Variants in BCAP31 observed in about 807,000 individuals in gnomAD.
BCAP31 encodes B-cell receptor-associated protein 31.
For synonymous variants in BCAP31, 75 were observed against 80.9 expected (o/e 0.93, Z 0.39); for missense variants, 124 against 193.0 (o/e 0.64, Z 2.12).
chrX:153,701,081 TAAC>T lies in BCAP31; in HGVS notation c.703-109_703-107del, dbSNP rs1414122004. The T allele has an allele frequency of 1.1e-4, 78 of 695,228 alleles. 1 individual carries two copies. Among genetic ancestry groups the T allele is most frequent in the Admixed American group, 1.3e-4 (4 of 29,894 alleles). The allele number at this position is 695,228 out of a possible 1,213,427, so 57.3% of individuals were successfully genotyped here. On this transcript the variant is annotated intron_variant, in intron 7 of 7. Coordinates refer to ENST00000345046, the MANE Select transcript of BCAP31 (RefSeq NM_001256447.2). ...GGTCCACCTCGGTTCCCCTCTCTCC[TAAC>T]AACAGCTATTCAAGTGAACAAGGGG...
Position 153,701,367 on chromosome X carries a change from GC to G in BCAP31, c.703-393del, listed in dbSNP as rs1280288414. 2.7e-5 allele frequency among the ~76,000 whole-genome samples: 3 copies of G among 112,929 alleles called. No homozygotes were observed. The Admixed American group carries it at 2.8e-4, about 10-fold the overall frequency. ...CCTGCCCCATACAGAGGGCATGGGT[GC>G]CCCCTTTGAGGCTGGACCCTTCCTC... On this transcript the variant is annotated intron_variant, in intron 7 of 7. Transcript: ENST00000345046.
chrX:153,706,158 C>G (rs1557048283), intron 4 of BCAP31, among the ~76,000 whole-genome samples: 2 of 111,322 alleles, frequency 1.8e-5, no homozygotes. Flanking sequence ...CCCCGGTTCC[C>G]CTTCCTCTTG....
intron 4 of BCAP31, among the ~76,000 whole-genome samples, chrX:153,711,904 C>CAAAAAAAAA (rs34508364): frequency 1.5e-5 from 1 of 67,918 alleles, no homozygotes; most frequent in African/African-American, 5.8e-5. Flanking sequence ...GACTCTGTCT[C>CAAAAAAAAA]AAAAAAAAAA....
At chrX:153,711,455 T>C (rs2091590618) in intron 4 of BCAP31, among the ~76,000 whole-genome samples, 1 of 112,355 alleles carries the variant, frequency 8.9e-6, no homozygotes, top group South Asian at 3.6e-4. Context: ...GAATACCCAC[T>C]AGGCAGGCTC....
intron 4 of BCAP31, among the ~76,000 whole-genome samples, chrX:153,706,573 C>T (rs2091556194): frequency 1.8e-5 from 2 of 112,751 alleles, no homozygotes; most frequent in South Asian, 7.3e-4. Context: ...CTTCAGCTGA[C>T]ACCCTATACC....
intron 3 of BCAP31, among the ~76,000 whole-genome samples, chrX:153,717,874 C>A (rs1338235295): frequency 1.8e-5 from 2 of 112,624 alleles, no homozygotes; most frequent in African/African-American, 6.4e-5. Context: ...AATGTTCATA[C>A]CCTCGGGTTC....
At position 153,700,744 on chromosome X, in the gene BCAP31, T is replaced by C. The variant is rs782188249; in HGVS notation, c.*193A>G. On this transcript the variant is annotated 3_prime_UTR_variant, in exon 8 of 8. Transcript: ENST00000345046. ...TGACAGCAAACGCATTCTGAACGTG[T>C]AGCAATCAGGTCCCCTGTAATGTGC... The C allele has an allele frequency of 7.3e-6, 3 of 411,129 alleles. No individual in the cohort carries two copies. Among genetic ancestry groups the C allele is most frequent in the East Asian group, 9.0e-5 (2 of 22,103 alleles). 33.9% of individuals were successfully genotyped at this position (411,129 alleles called of 1,213,427 possible). A position where few individuals can be genotyped will look rare whatever the true frequency, so the allele number is the denominator to read the frequency against.
intron 4 of BCAP31, among the ~76,000 whole-genome samples, chrX:153,709,658 G>A (rs1316553633): frequency 1.2e-4 from 13 of 112,777 alleles, no homozygotes; most frequent in Non-Finnish European, 2.3e-4. Flanking sequence ...AGGTGGCCCC[G>A]ATGGACCCGC....
At chrX:153,721,892 C>G (rs1328199342) in intron 2 of BCAP31, among the ~76,000 whole-genome samples, 1 of 109,829 alleles carries the variant, frequency 9.1e-6, no homozygotes, top group Non-Finnish European at 1.9e-5. Context: ...GAGCAAGACT[C>G]TGTCTCAAAA....
At chrX:153,716,238 T>C (rs1557050099) in intron 3 of BCAP31, among the ~76,000 whole-genome samples, 1 of 108,932 alleles carries the variant, frequency 9.2e-6, no homozygotes, top group Non-Finnish European at 1.9e-5. Context: ...CTGGCCCCAT[T>C]CTACACAGGC....
Position 153,720,937 on chromosome X carries a change from A to G in BCAP31, c.128T>C (p.Leu43Ser), listed in dbSNP as rs781998355. 8.3e-7 allele frequency: 1 copy of G among 1,211,801 alleles called. No homozygotes were observed. The highest frequency in any genetic ancestry group is 1.1e-6 in the Non-Finnish European group (1 of 895,478). The change falls in exon 3 of 8, where the codon TTG (leucine) becomes TCG (serine). Residue 43 changes from leucine to serine, a missense_variant. Leu to Ser is a moderately radical substitution (Grantham distance 145). Transcript: ENST00000345046. ...GAAGGTGTTGCCATAGGACACTAAC[A>G]ACTCCACCAGCCGGGACTTGAAAAT... is the stretch of plus-strand genomic sequence containing the variant. ...QKIFKSRLVE[L>S]LVSYGNTFFV...
chrX:153,707,313 T>C (rs2091561294), intron 4 of BCAP31, among the ~76,000 whole-genome samples: 1 of 108,298 alleles, frequency 9.2e-6, no homozygotes, highest in African/African-American at 3.4e-5. Flanking sequence ...CCTTCATCTC[T>C]GCACTCCCAT....
chrX:153,722,464 G>A (rs1442419674), intron 2 of BCAP31, among the ~76,000 whole-genome samples: 1 of 111,592 alleles, frequency 9.0e-6, no homozygotes, highest in Non-Finnish European at 1.9e-5. Context: ...CTTGTCAACT[G>A]TACGAAGGTG....
intron 3 of BCAP31, among the ~76,000 whole-genome samples, chrX:153,716,002 A>G (rs1013054775): frequency 2.9e-4 from 29 of 98,389 alleles, no homozygotes; most frequent in Non-Finnish European, 3.4e-4. Context: ...TACTAAAAAT[A>G]CAAAAAAAAA....
At chrX:153,701,176 G>A (rs1352400476) in intron 7 of BCAP31, among the ~76,000 whole-genome samples, 1 of 112,309 alleles carries the variant, frequency 8.9e-6, no homozygotes, top group African/African-American at 3.2e-5. Context: ...ACGCTCTAGG[G>A]AAAGCCCTGG....
At chrX:153,702,907 C>T (rs782388130) in intron 6 of BCAP31, 28 bp downstream of exon 6, 9 of 1,205,767 alleles carry the variant, frequency 7.5e-6, no homozygotes, top group South Asian at 3.5e-5. Flanking sequence ...GACTTCCCTG[C>T]GGGGAAGGAC....
chrX:153,712,599 C>T (rs1416985243), intron 4 of BCAP31, among the ~76,000 whole-genome samples: 1 of 110,800 alleles, frequency 9.0e-6, no homozygotes, highest in Non-Finnish European at 1.9e-5. Context: ...GGAGGCTGGG[C>T]GTGGTGGCTC....
At chrX:153,703,793 T>C (rs1361836015) in intron 5 of BCAP31, among the ~76,000 whole-genome samples, 166 bp downstream of exon 5, 1 of 112,266 alleles carries the variant, frequency 8.9e-6, no homozygotes, top group East Asian at 2.8e-4. Context: ...CCAGCAGGCA[T>C]ACTCTCCCCA....
rs183189732 is a variant in BCAP31, at chrX:153,705,983, C to T, written c.342-1889G>A. On this transcript the variant is annotated intron_variant, in intron 4 of 7. Transcript: ENST00000345046. ...CCAGCTCTTTTCGGACCGTCCCAGG[C>T]CCTTCCCGGCTATTGAGAACCAGGG... 2.7e-5 allele frequency among the ~76,000 whole-genome samples: 3 copies of T among 112,188 alleles called. No homozygotes were observed. The East Asian group carries it at 8.4e-4, about 31-fold the overall frequency.
Sources: allele counts gnomAD v4.1 joint callset (sites outside exome capture counted in the v4.1 genomes callset), GRCh38; gene constraint gnomAD v4.1.1; transcripts MANE v1.5; gene names NCBI Gene and HGNC (gene_info 2026-07-23, HGNC 2026-07-21).